The following IL1RAPL2 variants were observed in gnomAD, a reference collection of about 807,000 sequenced individuals.
IL1RAPL2 encodes interleukin 1 receptor accessory protein like 2, also known as X-linked interleukin-1 receptor accessory protein-like 2.
A neutral mutation model predicts 44.1 loss-of-function variants in IL1RAPL2; 3 were observed. That is an observed-to-expected ratio of 0.07 (90% CI 0.03 to 0.18). The LOEUF is 0.18. Among genes scored for constraint, IL1RAPL2 ranks in the 10% least tolerant of loss-of-function variants. The pLI, the probability that IL1RAPL2 is intolerant of heterozygous loss-of-function variation, is 1.00. For synonymous variants in IL1RAPL2, 181 were observed against 178.8 expected, an observed-to-expected ratio of 1.01 and a Z score of -0.10; for missense variants, 391 against 496.4, an observed-to-expected ratio of 0.79 and a Z score of 2.02.
At chrX:105,038,598 T>C (rs1382984795) in intron 2 of IL1RAPL2, among the ~76,000 whole-genome samples, 2 of 110,903 alleles carry the variant, frequency 1.8e-5, no homozygotes, top group East Asian at 5.7e-4. Flanking sequence ...GCTATATAGA[T>C]GAATTGCATG....
intron 6 of IL1RAPL2, among the ~76,000 whole-genome samples, chrX:105,602,263 AC>A (rs2037258277): frequency 9.2e-6 from 1 of 108,531 alleles, no homozygotes; most frequent in Non-Finnish European, 1.9e-5. Flanking sequence ...TGGCAACCCC[AC>A]CCCCTACAGC....
At chrX:105,216,627 A>C (rs906524488) in intron 3 of IL1RAPL2, among the ~76,000 whole-genome samples, 2 of 111,587 alleles carry the variant, frequency 1.8e-5, no homozygotes, top group Admixed American at 9.5e-5. Flanking sequence ...GGAACCAAAA[A>C]AGGGCCCGCA....
chrX:104,795,042 C>T (rs890443551), intron 2 of IL1RAPL2, among the ~76,000 whole-genome samples: 3 of 111,718 alleles, frequency 2.7e-5, no homozygotes, highest in African/African-American at 9.8e-5. Flanking sequence ...TTTATTTTCC[C>T]ACCAGTCTTT....
At chrX:105,427,088 C>A in intron 5 of IL1RAPL2, among the ~76,000 whole-genome samples, 1 of 112,614 alleles carries the variant, frequency 8.9e-6, no homozygotes, top group Non-Finnish European at 1.9e-5. Context: ...TCACAAACAG[C>A]AGATTTCCTA....
At chrX:105,432,129 CTTTTTTTTT>C (rs386417369) in intron 5 of IL1RAPL2, among the ~76,000 whole-genome samples, 2 of 44,834 alleles carry the variant, frequency 4.5e-5, no homozygotes, top group African/African-American at 1.8e-4. Context: ...TTCAATTTGC[CTTTTTTTTT>C]TTTTTTTTTT....
intron 2 of IL1RAPL2, among the ~76,000 whole-genome samples, chrX:104,727,547 T>A (rs1024252003): frequency 2.7e-5 from 3 of 111,222 alleles, no homozygotes; most frequent in Non-Finnish European, 3.8e-5. Context: ...GAACTAAAAA[T>A]TGAACTGCCA....
At chrX:104,693,351 C>G (rs1931126020) in intron 2 of IL1RAPL2, among the ~76,000 whole-genome samples, 1 of 111,659 alleles carries the variant, frequency 9.0e-6, no homozygotes, top group Non-Finnish European at 1.9e-5. Context: ...ACCCTCTACC[C>G]TGTCTATCCA....
At chrX:104,618,428 C>A (rs1225703048) in intron 1 of IL1RAPL2, among the ~76,000 whole-genome samples, 1 of 112,091 alleles carries the variant, frequency 8.9e-6, no homozygotes, top group Non-Finnish European at 1.9e-5. Context: ...TAGTGGGTGG[C>A]CACCAGACAC....
chrX:105,705,170 G>A (rs1356566560), intron 6 of IL1RAPL2, among the ~76,000 whole-genome samples: 1 of 109,461 alleles, frequency 9.1e-6, no homozygotes, highest in Non-Finnish European at 1.9e-5. Context: ...TGTCATTTGG[G>A]GTGGGGGGGA....
intron 2 of IL1RAPL2, among the ~76,000 whole-genome samples, chrX:105,082,639 T>C (rs902239787): frequency 8.9e-6 from 1 of 111,753 alleles, no homozygotes; most frequent in African/African-American, 3.3e-5. Context: ...CAGCCTCCTC[T>C]AGTGATACCC....
At chrX:105,598,803 T>C (rs1034143803) in intron 6 of IL1RAPL2, among the ~76,000 whole-genome samples, 9 of 112,305 alleles carry the variant, frequency 8.0e-5, no homozygotes, top group Non-Finnish European at 1.5e-4. Context: ...AGAGATATAT[T>C]TTCTCTCTTC....
intron 2 of IL1RAPL2, among the ~76,000 whole-genome samples, chrX:104,722,587 T>G (rs1442433729): frequency 8.9e-6 from 1 of 112,052 alleles, no homozygotes; most frequent in Non-Finnish European, 1.9e-5. Context: ...ACTCTGTCCA[T>G]GTGTTCAAAA....
At chrX:104,717,419 G>A (rs1931590319) in intron 2 of IL1RAPL2, among the ~76,000 whole-genome samples, 1 of 101,476 alleles carries the variant, frequency 9.9e-6, no homozygotes, top group African/African-American at 3.7e-5. Context: ...TAACAAACCT[G>A]CACATGTACC....
chrX:104,994,654 T>C (rs2030717961), intron 2 of IL1RAPL2, among the ~76,000 whole-genome samples: 1 of 110,929 alleles, frequency 9.0e-6, no homozygotes, highest in Non-Finnish European at 1.9e-5. Flanking sequence ...GATTCAAGGG[T>C]ATCTACTCTG....
Position 105,405,573 on chromosome X carries a change from G to T in IL1RAPL2, c.698-78740G>T, listed in dbSNP as rs56068472. The T allele has an allele frequency of 4.7e-3, 3,508 of 751,688 alleles. 78 individuals carry two copies. In the African/African-American group the frequency reaches 0.058, roughly 13 times the overall value. 61.9% of individuals were successfully genotyped at this position (751,688 alleles called of 1,213,427 possible). A position where few individuals can be genotyped will look rare whatever the true frequency, so the allele number is the denominator to read the frequency against. On this transcript the variant is annotated intron_variant, in intron 5 of 10. Coordinates refer to ENST00000372582, the MANE Select transcript of IL1RAPL2 (RefSeq NM_017416.2). Reference sequence around the variant, plus strand: ...GAGTGGGTGGAGGGAGGGGAAGGGCGAGAGGAGAAAAAGGTGGGAGGAGGA... The same window carrying T: ...GAGTGGGTGGAGGGAGGGGAAGGGCTAGAGGAGAAAAAGGTGGGAGGAGGA...
intron 6 of IL1RAPL2, among the ~76,000 whole-genome samples, chrX:105,710,359 CT>C (rs61023852): frequency 0.038 from 2,513 of 65,717 alleles, 115 homozygotes; most frequent in African/African-American, 0.14. Flanking sequence ...GAAAATCCTA[CT>C]TTTTTTTTTT....
Position 104,791,176 on chromosome X carries a change from T to C in IL1RAPL2, c.82+132181T>C, listed in dbSNP as rs866194674. On this transcript the variant is annotated intron_variant, in intron 2 of 10. Coordinates refer to ENST00000372582, the MANE Select transcript of IL1RAPL2 (RefSeq NM_017416.2). Reference sequence around the variant, plus strand: ...CTCCCTCTGCCTTGCCTGCCCTGCCTTGCCCTGCCCTTCCCTTCCCTGCCC... The same window carrying C: ...CTCCCTCTGCCTTGCCTGCCCTGCCCTGCCCTGCCCTTCCCTTCCCTGCCC... Among the ~76,000 whole-genome samples, 3 of 108,602 alleles carry C rather than the reference T, an allele frequency of 2.8e-5. No homozygotes were observed. The Admixed American group carries it at 3.0e-4, about 11-fold the overall frequency. 94.3% of individuals were successfully genotyped at this position (108,602 alleles called of 115,157 possible). A position where few individuals can be genotyped will look rare whatever the true frequency, so the allele number is the denominator to read the frequency against.
In IL1RAPL2 at chrX:104,967,384, TA is replaced by T. The variant is rs201185880; in HGVS notation, c.83-228086del. Among the ~76,000 whole-genome samples, 636 of 111,462 alleles carry T rather than the reference TA, an allele frequency of 5.7e-3. 7 individuals carry two copies. The highest frequency in any genetic ancestry group is 0.02 in the African/African-American group (603 of 30,859). On this transcript the variant is annotated intron_variant, in intron 2 of 10. Transcript: ENST00000372582. ...AGTGAAAGATGAAAAAAAGTACATG[TA>T]AAAACTTGTGAAATTAACAAACTGA... is the stretch of plus-strand genomic sequence containing the variant.
chrX:104,837,664 C>A (rs1921776611), intron 2 of IL1RAPL2, among the ~76,000 whole-genome samples: 1 of 111,384 alleles, frequency 9.0e-6, no homozygotes, highest in Non-Finnish European at 1.9e-5. Flanking sequence ...AAATTTTCTC[C>A]CATTCTGTAG....
Sources: allele counts gnomAD v4.1 joint callset (sites outside exome capture counted in the v4.1 genomes callset), GRCh38; gene constraint gnomAD v4.1.1; transcripts MANE v1.5; gene names NCBI Gene and HGNC (gene_info 2026-07-23, HGNC 2026-07-21).